The following ANKRD26 variants were observed in gnomAD, a reference collection of about 807,000 sequenced individuals.
ANKRD26 encodes ankyrin repeat domain 26.
In ANKRD26, 141 loss-of-function variants were observed where a neutral mutation model predicts 208.7. The ratio of observed to expected loss-of-function variants is 0.68; its 90% confidence interval spans 0.59 to 0.78. ANKRD26 has a LOEUF of 0.78. Ranked by LOEUF, ANKRD26 falls within the 30% of genes least tolerant of loss-of-function variation. The pLI is 0.00. For missense variants in ANKRD26, 1,889 were observed against 1,938.7 expected (o/e 0.97, Z 0.48); for synonymous variants, 636 against 660.4 (o/e 0.96, Z 0.57).
chr10:27,011,416 C>G (rs1286304500), intron 32 of ANKRD26, among the ~76,000 whole-genome samples: 2 of 152,126 alleles, frequency 1.3e-5, no homozygotes, highest in Non-Finnish European at 2.9e-5. Flanking sequence ...TACAAGTGTT[C>G]ACCATTGCAA....
rs61850996 is a variant in ANKRD26 at position 26,974,428 on chromosome 10, C to T, written c.*1896G>A. On this transcript the variant is annotated 3_prime_UTR_variant and NMD_transcript_variant, in exon 6 of 6. Transcript: ENST00000674670. ...CAATCTCAGCTCACTGCAAGCTCTG[C>T]CTCCCGGGTTCACACCATTCTCCTG... Among the ~76,000 whole-genome samples the T allele has an allele frequency of 3.3e-3, 495 of 151,374 alleles. 2 individuals are homozygous for T. Among genetic ancestry groups the T allele is most frequent in the Admixed American group, 6.5e-3 (98 of 15,184 alleles).
rs1052474190 is a variant in ANKRD26, at chr10:27,006,777, C to A, written c.4999+140G>T. The A allele has an allele frequency of 7.4e-6, 5 of 675,438 alleles. No homozygotes were observed. In the African/African-American group the frequency reaches 9.0e-5, roughly 12 times the overall value. The allele number at this position is 675,438 out of a possible 1,614,324, so 41.8% of individuals were successfully genotyped here. ...TGAATATTCATGTTTTCACATCTTT[C>A]ATTAGATGTGTGTAAGAAAGAACAT... On this transcript the variant is annotated intron_variant, in intron 33 of 33. Transcript: ENST00000376087.
intron 15 of ANKRD26, among the ~76,000 whole-genome samples, chr10:27,057,572 C>T (rs909743025): frequency 5.9e-5 from 9 of 152,184 alleles, no homozygotes; most frequent in African/African-American, 2.2e-4. Context: ...ATGAAATGCT[C>T]TTTCCTCAAC....
chr10:26,975,669 C>T (rs942348444), exon 6 of ANKRD26, among the ~76,000 whole-genome samples: 9 of 151,582 alleles, frequency 5.9e-5, no homozygotes, highest in Admixed American at 2.6e-4. Context: ...TGGTGAAACC[C>T]CATCTCTAAA....
Position 27,005,618 on chromosome 10 carries a change from T to C in ANKRD26, c.5105A>G (p.Gln1702Arg). The change falls in exon 34 of 34, where the codon CAG becomes CGG. Residue 1702 changes from glutamine to arginine, a missense_variant. By Grantham distance (43) the Gln-to-Arg change is conservative. Transcript: ENST00000376087. ...GATCATATAATTTTTCTTTAAAACC[T>C]GTACATATTCTCTTGATGCTTTCCA... ...LVWKASREYV[Q>R]VLKKNYMI 6.2e-7 allele frequency: 1 copy of C among 1,612,794 alleles called. No individual in the cohort carries two copies. Among genetic ancestry groups the C allele is most frequent in the Non-Finnish European group, 8.5e-7 (1 of 1,179,236 alleles).
intron 1 of ANKRD26, among the ~76,000 whole-genome samples, chr10:27,094,784 TG>T (rs2056412802): frequency 6.6e-6 from 1 of 152,220 alleles, no homozygotes; most frequent in South Asian, 2.1e-4. Flanking sequence ...GATGACTGCT[TG>T]AGTCCAAGAG....
chr10:27,020,843 T>C (rs922029430), intron 29 of ANKRD26, among the ~76,000 whole-genome samples: 42 of 152,100 alleles, frequency 2.8e-4, no homozygotes, highest in African/African-American at 9.4e-4. Context: ...GTATTTTTGG[T>C]GGAGACGGGG....
chr10:26,963,714 G>A, the ANKRD26 span, among the ~76,000 whole-genome samples: 1 of 151,978 alleles, frequency 6.6e-6, no homozygotes, highest in African/African-American at 2.4e-5. Context: ...TAATATAACA[G>A]GGCATAGTGT....
chr10:27,090,580 A>G (rs1251348640), intron 4 of ANKRD26, among the ~76,000 whole-genome samples: 2 of 152,176 alleles, frequency 1.3e-5, no homozygotes, highest in Non-Finnish European at 2.9e-5. Flanking sequence ...TTTGTAAATT[A>G]CCACCAAGGC....
intron 4 of ANKRD26, among the ~76,000 whole-genome samples, chr10:26,997,507 A>G (rs1487814802): frequency 6.6e-6 from 1 of 152,150 alleles, no homozygotes; most frequent in Non-Finnish European, 1.5e-5. Context: ...TCCCGTTTCA[A>G]GTGTCCCAGT....
intron 25 of ANKRD26, among the ~76,000 whole-genome samples, chr10:27,031,820 T>C (rs1387525343): frequency 1.3e-5 from 2 of 152,222 alleles, no homozygotes; most frequent in Non-Finnish European, 2.9e-5. Flanking sequence ...TTTTATAATA[T>C]ATTTTAAATG....
intron 9 of ANKRD26, among the ~76,000 whole-genome samples, chr10:27,070,452 C>G (rs2055440431): frequency 2.0e-5 from 3 of 152,056 alleles, no homozygotes; most frequent in Admixed American, 2.0e-4. Flanking sequence ...ATTTAAAAGT[C>G]TTCAAATATA....
At chr10:26,966,575 G>C in the ANKRD26 span, among the ~76,000 whole-genome samples, 3 of 151,958 alleles carry the variant, frequency 2.0e-5, no homozygotes. Context: ...AAACTTGCAC[G>C]TTCTGCACAT....
chr10:26,974,080 T>C (rs1455377320), exon 6 of ANKRD26, among the ~76,000 whole-genome samples: 1 of 152,156 alleles, frequency 6.6e-6, no homozygotes, highest in Admixed American at 6.6e-5. Flanking sequence ...TTCTACTCTT[T>C]TAGCAATTAT....
Position 27,100,424 on chromosome 10 carries a change from C to T in ANKRD26, c.-98G>A. 1.3e-6 allele frequency: 2 copies of T among 1,545,038 alleles called. No individual in the cohort carries two copies. Among genetic ancestry groups the T allele is most frequent in the African/African-American group, 1.4e-5 (1 of 73,140 alleles). ...ACAAGTCAGCCCCGGCTGGCCGCAG[C>T]CTCCCAAAGGAAACTCCGCGGTTTC... On this transcript the variant is annotated 5_prime_UTR_variant, in exon 1 of 34. Transcript: ENST00000376087.
chr10:27,044,160 G>A lies in ANKRD26; in HGVS notation c.2016C>T (p.Asn672=). ...RPTKKTSNEK[N]KVKNQIQSMD... ...GATAATTTATTTTTTACAGTACCTT[G>A]TTCTTTTCATTAGATGTTTTCTTAG... is the stretch of plus-strand genomic sequence containing the variant. The change falls in exon 19 of 34, where the codon AAC becomes AAT. Residue 672 remains asparagine (N), a synonymous_variant. Coordinates refer to ENST00000376087, the MANE Select transcript of ANKRD26 (RefSeq NM_014915.3). 1 of 1,401,258 alleles carries A rather than the reference G, an allele frequency of 7.1e-7. No homozygotes were observed. The highest frequency in any genetic ancestry group is 9.7e-7 in the Non-Finnish European group (1 of 1,028,098). The allele number at this position is 1,401,258 out of a possible 1,614,324, so 86.8% of individuals were successfully genotyped here.
rs1485206220 is a variant in ANKRD26, at chr10:27,092,563, G to A, written c.532-51C>T. 4.4e-6 allele frequency: 6 copies of A among 1,359,076 alleles called. No homozygotes were observed. The African/African-American group carries it at 5.7e-5, about 13-fold the overall frequency. The allele number at this position is 1,359,076 out of a possible 1,614,324, so 84.2% of individuals were successfully genotyped here. On this transcript the variant is annotated intron_variant, in intron 3 of 33. Transcript: ENST00000376087. ...AATGCATAAAATTACATAATTCTCGGCTGAACTGAAAACTCTATGTCAGAT... is the reference window on the plus strand; with the variant it reads ...AATGCATAAAATTACATAATTCTCGACTGAACTGAAAACTCTATGTCAGAT...
At chr10:27,026,453 G>A (rs1163756553) in intron 27 of ANKRD26, among the ~76,000 whole-genome samples, 3 of 152,138 alleles carry the variant, frequency 2.0e-5, no homozygotes, top group African/African-American at 4.8e-5. Flanking sequence ...GTGTGAAAAG[G>A]ATGCCAATAA....
Position 27,017,701 on chromosome 10 carries a change from G to A in ANKRD26, c.4307C>T (p.Ser1436Phe). 6.2e-7 allele frequency: 1 copy of A among 1,612,974 alleles called. No individual in the cohort carries two copies. The highest frequency in any genetic ancestry group is 1.1e-5 in the South Asian group (1 of 90,902). ...ACATTTCTTTTGTACTGTTTTCATA[G>A]ATAACAACTCCTCTTGAAGAATTTG... ...KNQILQEELL[S>F]MKTVQKKCEK... is the part of the protein sequence containing the mutation. The change falls in exon 30 of 34, where the codon TCT becomes TTT. Residue 1436 changes from serine to phenylalanine, a missense_variant. By Grantham distance (155) the Ser-to-Phe change is radical (BLOSUM62 -2). This residue lies in a region of ANKRD26 where 613 missense variants were observed against 648.2 expected (regional missense o/e 0.95). Coordinates refer to ENST00000376087, the MANE Select transcript of ANKRD26 (RefSeq NM_014915.3).
Sources: allele counts gnomAD v4.1 joint callset (sites outside exome capture counted in the v4.1 genomes callset), GRCh38; gene constraint gnomAD v4.1.1; regional missense constraint gnomAD v4.1.1; transcripts MANE v1.5; gene names NCBI Gene and HGNC (gene_info 2026-07-23, HGNC 2026-07-21).